Variants in SLCO4A1 observed in about 807,000 individuals in gnomAD.
The protein encoded by SLCO4A1 is solute carrier organic anion transporter family member 4A1.
A neutral mutation model predicts 64.6 loss-of-function variants in SLCO4A1; 51 were observed. That is an observed-to-expected ratio of 0.79 (90% CI 0.63 to 1.00). SLCO4A1 has a LOEUF of 1.00. Among genes scored for constraint, SLCO4A1 ranks in the 50% least tolerant of loss-of-function variants. The probability of loss-of-function intolerance (pLI) is 0.00; values close to 1 mark genes in which losing one functional copy is unlikely to be tolerated. For missense variants in SLCO4A1, 919 were observed against 980.5 expected (o/e 0.94, Z 0.84); for synonymous variants, 471 against 444.9 (o/e 1.06, Z -0.74).
chr20:62,690,656 G>A (rs1362158695), downstream of SLCO4A1, among the ~76,000 whole-genome samples: 1 of 152,236 alleles, frequency 6.6e-6, no homozygotes, highest in Non-Finnish European at 1.5e-5. Context: ...CACCCTACTG[G>A]CTTCCAATTC....
chr20:62,671,621 G>C (rs1262675148), intron 11 of SLCO4A1, 129 bp from the exon 12 acceptor site: 1 of 784,986 alleles, frequency 1.3e-6, no homozygotes, highest in Non-Finnish European at 2.1e-6. Flanking sequence ...TCTCAGAGCA[G>C]GATGGGTTTC....
chr20:62,666,304 G>A, intron 6 of SLCO4A1, 76 bp from the exon 7 acceptor site: 1 of 1,347,932 alleles, frequency 7.4e-7, no homozygotes, highest in Non-Finnish European at 1.0e-6. Flanking sequence ...CTGTAAAGTG[G>A]ACCCGGCTGA....
Position 62,669,104 on chromosome 20 carries a change from A to AG in SLCO4A1, c.2025+29dup, listed in dbSNP as rs751334407. 1.4e-4 allele frequency: 228 copies of AG among 1,603,096 alleles called. 1 individual carries two copies. The African/African-American group carries it at 2.7e-3, about 19-fold the overall frequency. On this transcript the variant is annotated intron_variant, in intron 11 of 11. Coordinates refer to ENST00000217159, the MANE Select transcript of SLCO4A1 (RefSeq NM_016354.4). The stretch of plus-strand genomic sequence containing the variant: ...GTAAGCAGGCCCAGGGAGGGGACAG[A>AG]GGGTCTGCTCTGAGGGTGGCTGGGG...
downstream of SLCO4A1, among the ~76,000 whole-genome samples, chr20:62,675,687 C>T (rs748351532): frequency 6.6e-6 from 1 of 152,226 alleles, no homozygotes; most frequent in South Asian, 2.1e-4. Context: ...AAGGCATCTG[C>T]AGATGCCCAC....
intron 2 of SLCO4A1, among the ~76,000 whole-genome samples, chr20:62,657,671 A>T (rs776562308): frequency 6.6e-6 from 1 of 152,216 alleles, no homozygotes; most frequent in Non-Finnish European, 1.5e-5. Context: ...CAGAGCCCCA[A>T]GGCCACACCC....
intron 1 of SLCO4A1, among the ~76,000 whole-genome samples, chr20:62,643,627 A>T (rs1228037457): frequency 6.6e-6 from 1 of 152,168 alleles, no homozygotes; most frequent in Non-Finnish European, 1.5e-5. Flanking sequence ...TGGTTTTTGG[A>T]ACTTGGGTTA....
chr20:62,643,114 C>T, intron 1 of SLCO4A1: 1 of 440,750 alleles, frequency 2.3e-6, no homozygotes, highest in South Asian at 1.6e-5. Context: ...CTCGAGACAT[C>T]TCCGGGAGGG....
intron 2 of SLCO4A1, among the ~76,000 whole-genome samples, chr20:62,657,843 A>C (rs991007774): frequency 2.0e-5 from 3 of 152,230 alleles, no homozygotes; most frequent in African/African-American, 7.2e-5. Flanking sequence ...CAGAACTTTA[A>C]GGGGAAAAAT....
rs1168019390 is a variant in SLCO4A1 at position 62,667,746 on chromosome 20, C to T, written c.1474C>T (p.Leu492Phe). 3.1e-6 allele frequency: 5 copies of T among 1,607,022 alleles called. No individual in the cohort carries two copies. The highest frequency in any genetic ancestry group is 2.7e-5 in the African/African-American group (2 of 74,946). Reference sequence around the variant, plus strand: ...CACTCGCTTGTCCCCCCTCTGCAGCCTCCTGCCCGAAGGCCACCTGAACCT... The same window carrying T: ...CACTCGCTTGTCCCCCCTCTGCAGCTTCCTGCCCGAAGGCCACCTGAACCT... ...AGVTASYGGSLLPEGHLNLTA... is the reference protein window; with the variant it reads ...AGVTASYGGSFLPEGHLNLTA... The change falls in exon 8 of 12, where the codon CTC becomes TTC. Residue 492 changes from leucine to phenylalanine, a missense_variant and splice_region_variant. Physicochemically the swap from Leu to Phe is conservative, Grantham distance 22. Transcript: ENST00000217159.
rs1248930232 is a variant in SLCO4A1, at chr20:62,661,339, G to A, written c.1121+164G>A. On this transcript the variant is annotated intron_variant, in intron 5 of 11. Coordinates refer to ENST00000217159, the MANE Select transcript of SLCO4A1 (RefSeq NM_016354.4). This position sits in a 1 kb window ranked among gnomAD's most constrained non-coding sequence, Gnocchi z 5.2. The stretch of plus-strand genomic sequence containing the variant: ...TTAAGGAGCAACAGATAGAGCCTCT[G>A]GGCCAGGGGCCGCAGACCCCGCCTC... 6.6e-6 allele frequency among the ~76,000 whole-genome samples: 1 copy of A among 152,132 alleles called. No individual in the cohort carries two copies. The highest frequency in any genetic ancestry group is 1.5e-5 in the Non-Finnish European group (1 of 67,996).
intron 1 of SLCO4A1, chr20:62,649,209 T>C (rs1981967519): frequency 6.6e-6 from 1 of 152,250 alleles, no homozygotes; most frequent in African/African-American, 2.4e-5. Flanking sequence ...CAAGAAGAGC[T>C]GGCATTTCAG....
At position 62,657,285 on chromosome 20, in the gene SLCO4A1, G is replaced by T. The variant is rs541317473; in HGVS notation, c.796+35G>T. The T allele has an allele frequency of 3.6e-5, 53 of 1,484,294 alleles. No homozygotes were observed. The African/African-American group carries it at 6.8e-4, about 19-fold the overall frequency. The allele number at this position is 1,484,294 out of a possible 1,614,324, so 91.9% of individuals were successfully genotyped here. A position where few individuals can be genotyped will look rare whatever the true frequency, so the allele number is the denominator to read the frequency against. On this transcript the variant is annotated intron_variant, in intron 2 of 11. Transcript: ENST00000217159. ...GCTGGCGGGGTAAGTGCTGGCAGGG[G>T]TGGCTGAGGGCAGTGTTGCAGGAGT...
chr20:62,676,888 C>T (rs995956028), downstream of SLCO4A1, among the ~76,000 whole-genome samples: 2 of 152,166 alleles, frequency 1.3e-5, no homozygotes, highest in Non-Finnish European at 2.9e-5. Flanking sequence ...TGCACCAGCC[C>T]GAATGTCAAC....
At chr20:62,652,643 T>C (rs1982805206) in intron 1 of SLCO4A1, among the ~76,000 whole-genome samples, 1 of 152,154 alleles carries the variant, frequency 6.6e-6, no homozygotes, top group Non-Finnish European at 1.5e-5. Flanking sequence ...ACAATATGAA[T>C]GTCTCTCCTT....
downstream of SLCO4A1, among the ~76,000 whole-genome samples, chr20:62,689,535 C>A (rs1280153884): frequency 6.6e-6 from 1 of 152,212 alleles, no homozygotes; most frequent in African/African-American, 2.4e-5. Context: ...CAGGTCCCTA[C>A]GGGGGACGTG....
intron 6 of SLCO4A1, among the ~76,000 whole-genome samples, 195 bp from the exon 7 acceptor site, chr20:62,666,185 C>T (rs1463827313): frequency 7.0e-6 from 1 of 143,092 alleles, no homozygotes; most frequent in Non-Finnish European, 1.5e-5. Flanking sequence ...GGGCTCTGGA[C>T]AGAGGTCCCT....
At chr20:62,681,922 G>T (rs923819977) in intron 2 of SLCO4A1, among the ~76,000 whole-genome samples, 10 of 152,140 alleles carry the variant, frequency 6.6e-5, no homozygotes, top group African/African-American at 2.4e-4. Context: ...TCAGCTACAA[G>T]GATGAACTAA....
intron 4 of SLCO4A1, 82 bp downstream of exon 4, chr20:62,660,615 G>A: frequency 6.7e-7 from 1 of 1,486,220 alleles, no homozygotes; most frequent in Non-Finnish European, 9.2e-7. Flanking sequence ...CGTTTCCTCT[G>A]CTGTCTTTTT....
At position 62,666,537 on chromosome 20, in the gene SLCO4A1, T is replaced by C. The variant is rs760633182; in HGVS notation, c.1434T>C (p.Ser478=). Residue 478 remains serine (S), a synonymous_variant, in exon 7 of 12, where the codon AGT becomes AGC. Coordinates refer to ENST00000217159, the MANE Select transcript of SLCO4A1 (RefSeq NM_016354.4). Reference sequence around the variant, plus strand: ...TCGTCTTCTCACTGCACTGCCCCAGTGTGCCCATGGCGGGCGTCACAGCCA... The same window carrying C: ...TCGTCTTCTCACTGCACTGCCCCAGCGTGCCCATGGCGGGCGTCACAGCCA... ...GILVFSLHCP[S]VPMAGVTASY... The C allele has an allele frequency of 2.5e-6, 4 of 1,613,256 alleles. No individual in the cohort carries two copies. Among genetic ancestry groups the C allele is most frequent in the Non-Finnish European group, 3.4e-6 (4 of 1,179,952 alleles).
Sources: allele counts gnomAD v4.1 joint callset (sites outside exome capture counted in the v4.1 genomes callset), GRCh38; gene constraint gnomAD v4.1.1; non-coding constraint Gnocchi (gnomAD v3.1); transcripts MANE v1.5; gene names NCBI Gene and HGNC (gene_info 2026-07-23, HGNC 2026-07-21).